Variants in SLC6A9 observed in about 807,000 individuals in gnomAD.
The protein encoded by SLC6A9 is solute carrier family 6 member 9.
A neutral mutation model predicts 70.9 loss-of-function variants in SLC6A9; 31 were observed. That is an observed-to-expected ratio of 0.44 (90% CI 0.33 to 0.59). SLC6A9 has a LOEUF of 0.59. Ranked by LOEUF, SLC6A9 falls within the 20% of genes least tolerant of loss-of-function variation. SLC6A9 has a pLI of 0.04. For missense variants in SLC6A9, 631 were observed against 845.2 expected (o/e 0.75, Z 3.14); for synonymous variants, 310 against 341.3 (o/e 0.91, Z 1.01).
At chr1:44,015,421 C>T (rs893471967) in intron 2 of SLC6A9, among the ~76,000 whole-genome samples, 2 of 152,210 alleles carry the variant, frequency 1.3e-5, no homozygotes, top group African/African-American at 4.8e-5. Context: ...CTCTGGGACC[C>T]AGCAGGCTTT....
Position 43,997,691 on chromosome 1 carries a change from G to A in SLC6A9, c.1756C>T (p.Leu586=), listed in dbSNP as rs201048979. Residue 586 remains leucine (L), a synonymous_variant, in exon 14 of 14, where the codon CTG becomes TTG. Transcript: ENST00000372310. This position sits in a 1 kb window ranked among gnomAD's most constrained non-coding sequence, Gnocchi z 4.4. ...KPSRDWGPAL[L]EHRTGRYAPT... is the part of the protein sequence containing the mutation. The stretch of plus-strand genomic sequence containing the variant: ...GCGTAGCGCCCTGTCCGGTGCTCCA[G>A]GAGGGCAGGGCCCCAGTCTCTGCTT... The A allele has an allele frequency of 4.3e-5, 70 of 1,611,698 alleles. No individual in the cohort carries two copies. The highest frequency in any genetic ancestry group is 5.8e-5 in the Non-Finnish European group (68 of 1,179,240).
intron 1 of SLC6A9, among the ~76,000 whole-genome samples, chr1:44,027,333 T>A (rs1557697993): frequency 6.6e-6 from 1 of 152,222 alleles, no homozygotes; most frequent in Non-Finnish European, 1.5e-5. Context: ...GTTTTCTCAG[T>A]CTGGAAGATG....
intron 1 of SLC6A9, among the ~76,000 whole-genome samples, chr1:44,026,866 G>T (rs991222592): frequency 2.0e-5 from 3 of 152,126 alleles, no homozygotes; most frequent in Non-Finnish European, 4.4e-5. Flanking sequence ...GTAAGTGCTC[G>T]AGTGAGGACT....
chr1:44,014,420 C>T (rs143273134), intron 2 of SLC6A9, among the ~76,000 whole-genome samples: 187 of 152,010 alleles, frequency 1.2e-3, no homozygotes, highest in African/African-American at 4.1e-3. Context: ...CCTTCCATGG[C>T]GGGGTGGGGT....
At chr1:44,029,445 C>A (rs1219145089) in intron 1 of SLC6A9, among the ~76,000 whole-genome samples, 1 of 152,200 alleles carries the variant, frequency 6.6e-6, no homozygotes, top group Non-Finnish European at 1.5e-5. Flanking sequence ...TTGCAGAGGG[C>A]TCCTGCTTCA....
chr1:44,030,113 TCCGCCGGCCCGAGGCGCGGAGGCCTCCGG>T (rs1376203533), intron 1 of SLC6A9, among the ~76,000 whole-genome samples: 1 of 151,900 alleles, frequency 6.6e-6, no homozygotes, highest in African/African-American at 2.4e-5. Flanking sequence ...CCTTTAAGTA[TCCGCCGGCCCGAGGCGCGGAGGCCTCCGG>T]CCGGCGGGCA....
rs1190603627 is a variant in SLC6A9 at position 44,018,279 on chromosome 1, A to G, written c.30+5969T>C. On this transcript the variant is annotated intron_variant, in intron 2 of 13. Transcript: ENST00000372310. The surrounding 1 kb of genome is among the most constrained non-coding windows in gnomAD (Gnocchi z 4.2). ...GTAGGGAACATAAGGAGTTTTGTCA[A>G]GCACAGGATGACATTAAAAATTTAA... 6.6e-6 allele frequency among the ~76,000 whole-genome samples: 1 copy of G among 152,160 alleles called. No homozygotes were observed. Among genetic ancestry groups the G allele is most frequent in the Non-Finnish European group, 1.5e-5 (1 of 68,032 alleles).
intron 4 of SLC6A9, among the ~76,000 whole-genome samples, chr1:44,009,728 GC>G (rs1483540258): frequency 6.6e-6 from 1 of 152,156 alleles, no homozygotes; most frequent in Non-Finnish European, 1.5e-5. Flanking sequence ...GGGTAAGTTG[GC>G]GGGGGGTGGC....
chr1:44,009,030 T>C (rs1293447252), intron 4 of SLC6A9, among the ~76,000 whole-genome samples: 1 of 146,658 alleles, frequency 6.8e-6, no homozygotes, highest in African/African-American at 2.5e-5. Context: ...TTTTTTTTTT[T>C]TTTTTTTTTT....
chr1:43,998,703 TG>T (rs2154304119), intron 12 of SLC6A9, among the ~76,000 whole-genome samples: 1 of 152,250 alleles, frequency 6.6e-6, no homozygotes, highest in Admixed American at 6.5e-5. Context: ...CAGTCTCTTG[TG>T]TTGATTTGAA....
intron 4 of SLC6A9, 73 bp from the exon 5 acceptor site, chr1:44,008,696 T>TTTTCTTTTCTTTTC (rs1041567331): frequency 8.5e-7 from 1 of 1,170,898 alleles, no homozygotes; most frequent in African/African-American, 2.0e-5. Context: ...AATTTCTTTT[T>TTTTCTTTTCTTTTC]TTTCTTTTCT....
intron 2 of SLC6A9, among the ~76,000 whole-genome samples, chr1:44,017,548 T>C (rs1052444464): frequency 2.0e-5 from 3 of 152,124 alleles, no homozygotes; most frequent in Non-Finnish European, 4.4e-5. Context: ...GTCTGCCCCA[T>C]TGGGCCCTGG....
intron 2 of SLC6A9, among the ~76,000 whole-genome samples, chr1:44,023,661 T>C (rs1050231890): frequency 2.0e-5 from 3 of 151,602 alleles, no homozygotes; most frequent in African/African-American, 7.3e-5. Context: ...TTAAAAAAAA[T>C]AAAAAGAATC....
intron 5 of SLC6A9, among the ~76,000 whole-genome samples, chr1:44,005,497 G>A (rs991231336): frequency 6.6e-6 from 1 of 152,100 alleles, no homozygotes; most frequent in African/African-American, 2.4e-5. Context: ...GGGTTTTTGT[G>A]GCACTCCAGT....
chr1:44,010,655 G>T, intron 3 of SLC6A9, 71 bp downstream of exon 3: 11 of 1,453,714 alleles, frequency 7.6e-6, no homozygotes, highest in Non-Finnish European at 1.1e-5. Context: ...GTGCCAGGGA[G>T]AGGGTGGCCC....
At position 44,010,738 on chromosome 1, in the gene SLC6A9, G is replaced by C; in HGVS notation, c.175C>G (p.Arg59Gly). The C allele has an allele frequency of 6.2e-7, 1 of 1,613,664 alleles. No individual in the cohort carries two copies. The highest frequency in any genetic ancestry group is 8.5e-7 in the Non-Finnish European group (1 of 1,179,618). Reference protein sequence around the residue: ...NVWRFPYLCYRNGGGAFMFPY... With the variant: ...NVWRFPYLCYGNGGGAFMFPY... ...GCCCACTGGGTACCTCCCCCGTTGC[G>C]ATAGCAGAGGTATGGGAAGCGCCAG... is the stretch of plus-strand genomic sequence containing the variant. The change falls in exon 3 of 14, where the codon CGC becomes GGC. Residue 59 changes from arginine (R) to glycine (G), a missense_variant. By Grantham distance (125) the Arg-to-Gly change is moderately radical. Transcript: ENST00000372310.
At chr1:44,027,870 G>A (rs1352474376) in intron 1 of SLC6A9, among the ~76,000 whole-genome samples, 1 of 152,202 alleles carries the variant, frequency 6.6e-6, no homozygotes, top group Non-Finnish European at 1.5e-5. Flanking sequence ...AACTACTTGG[G>A]AGGCTGAGGC....
rs982633948 is a variant in SLC6A9 at position 44,002,487 on chromosome 1, C to T, written c.858+25G>A. 1 of 1,613,974 alleles carries T rather than the reference C, an allele frequency of 6.2e-7. No individual in the cohort carries two copies. The highest frequency in any genetic ancestry group is 8.5e-7 in the Non-Finnish European group (1 of 1,179,974). On this transcript the variant is annotated intron_variant, in intron 7 of 13. Transcript: ENST00000372310. The surrounding 1 kb of genome is among the most constrained non-coding windows in gnomAD (Gnocchi z 5.5). ...CACCTCCCTGGCCCCTCCCCAGCCC[C>T]CTTCCGGTTTCCCTCACTTCCCACC...
rs2085936126 is a variant in SLC6A9 at position 43,997,952 on chromosome 1, A to G, written c.1610T>C (p.Val537Ala). The change falls in exon 13 of 14, where the codon GTG (valine) becomes GCG (alanine). Residue 537 changes from valine to alanine, a missense_variant. Val to Ala is a moderately conservative substitution (Grantham distance 64). Transcript: ENST00000372310. This position sits in a 1 kb window ranked among gnomAD's most constrained non-coding sequence, Gnocchi z 4.4. ...CAGAGCCATGAGGAAGCCAATGGCC[A>G]CGGCCCAGCCTGGGTACTGGTAGTG... The part of the protein sequence containing the change: ...YNHYQYPGWA[V>A]AIGFLMALSS... 1 of 1,614,130 alleles carries G rather than the reference A, an allele frequency of 6.2e-7. No homozygotes were observed. The highest frequency in any genetic ancestry group is 8.5e-7 in the Non-Finnish European group (1 of 1,179,982).
Sources: gnomAD v4.1 joint callset for allele counts (sites outside exome capture counted in the v4.1 genomes callset) on GRCh38, gnomAD v4.1.1 for gene constraint, Gnocchi (gnomAD v3.1) non-coding constraint, MANE v1.5 for transcripts, NCBI Gene and HGNC (gene_info 2026-07-23, HGNC 2026-07-21) for gene names.